Variants in PIH1D2 observed in about 807,000 individuals in gnomAD.
PIH1D2 encodes the protein PIH1 domain-containing protein 2.
Under a neutral mutation model 31.2 loss-of-function variants are expected in PIH1D2, and 25 were observed. That is an observed-to-expected ratio of 0.80 (90% CI 0.58 to 1.12). The LOEUF is 1.12. Ranked by LOEUF, PIH1D2 falls within the 50% of genes most tolerant of loss-of-function variation. The probability of loss-of-function intolerance (pLI) is 0.00; values close to 1 mark genes in which losing one functional copy is unlikely to be tolerated. For missense variants in PIH1D2, 310 were observed against 356.6 expected (o/e 0.87, Z 1.05); for synonymous variants, 116 against 119.9 (o/e 0.97, Z 0.21).
downstream of PIH1D2, among the ~76,000 whole-genome samples, chr11:112,059,594 T>C (rs190811521): frequency 4.6e-5 from 7 of 152,316 alleles, no homozygotes; most frequent in East Asian, 1.4e-3. Context: ...AGTTTCGCCA[T>C]GTTGGCCAGG....
chr11:112,070,742 C>A (rs1555184480), intron 4 of PIH1D2, 41 bp from the exon 5 acceptor site: 1 of 1,581,010 alleles, frequency 6.3e-7, no homozygotes, highest in South Asian at 1.1e-5. Flanking sequence ...AAAAATAAAT[C>A]TACAACATAA....
chr11:112,064,423 T>C (rs1864828605), downstream of PIH1D2: 2 of 523,012 alleles, frequency 3.8e-6, no homozygotes, highest in Non-Finnish European at 6.6e-6. Flanking sequence ...CTGTTGGTAA[T>C]TATTTTCACA....
the PIH1D2 span, among the ~76,000 whole-genome samples, chr11:112,055,480 G>A: frequency 6.6e-6 from 1 of 152,026 alleles, no homozygotes; most frequent in Non-Finnish European, 1.5e-5. Flanking sequence ...TCCTGACATT[G>A]TGATCTGCCT....
intron 2 of PIH1D2, among the ~76,000 whole-genome samples, 176 bp from the exon 3 acceptor site, chr11:112,071,934 A>G (rs1214061082): frequency 1.3e-5 from 2 of 152,086 alleles, no homozygotes; most frequent in Admixed American, 6.5e-5. Context: ...TTCTACTAAA[A>G]ATACAAAAAT....
intron 5 of PIH1D2, 48 bp from the exon 6 acceptor site, chr11:112,068,053 TACTA>T: frequency 7.7e-7 from 1 of 1,294,596 alleles, no homozygotes; most frequent in Middle Eastern, 2.5e-4. Flanking sequence ...AAATTTGGGA[TACTA>T]ACTTATTGTT....
Position 112,070,606 on chromosome 11 carries a change from C to G in PIH1D2, c.643G>C (p.Val215Leu). The G allele has an allele frequency of 6.2e-7, 1 of 1,614,160 alleles. No homozygotes were observed. Among genetic ancestry groups the G allele is most frequent in the South Asian group, 1.1e-5 (1 of 91,084 alleles). ...CTGGAAATCTCTTCTATCAGACACA[C>G]TGCTTTGCCTGAAACTTGGTCTTTT... ...LPKDQVSGKA[V>L]CLIEEISSTE... Residue 215 changes from valine (V) to leucine (L), a missense_variant, in exon 5 of 6, where the codon GTG (valine) becomes CTG (leucine). Coordinates refer to ENST00000280350, the MANE Select transcript of PIH1D2 (RefSeq NM_138789.4).
At chr11:112,065,995 CA>C (rs880003662), downstream of PIH1D2, among the ~76,000 whole-genome samples, 155 of 135,904 alleles carry the variant, frequency 1.1e-3, no homozygotes, top group African/African-American at 1.2e-3. Context: ...GAGACTCTGT[CA>C]AAAAAAAAAA....
chr11:112,061,125 G>T, downstream of PIH1D2: 1 of 1,614,018 alleles, frequency 6.2e-7, no homozygotes, highest in Non-Finnish European at 8.5e-7. Flanking sequence ...ATGTATTTTG[G>T]CAATTGGTGC....
At chr11:112,072,887 AAC>A (rs1400207217) in intron 2 of PIH1D2, 109 bp downstream of exon 2, 830 of 1,106,288 alleles carry the variant, frequency 7.5e-4, no homozygotes, top group African/African-American at 6.4e-3. Context: ...AACAAAACAA[AAC>A]AAAAAAAAAA....
chr11:112,061,267 C>T (rs1864602507), downstream of PIH1D2: 2 of 1,381,704 alleles, frequency 1.4e-6, no homozygotes, highest in African/African-American at 1.4e-5. Context: ...CTCCAGGAAC[C>T]CCCTCAAATA....
Position 112,068,988 on chromosome 11 carries a change from T to TTTTG in PIH1D2, c.814-984_814-983insCAAA, listed in dbSNP as rs1390371968. ...AAACCTCTGAATTTTTTTTGTTTTT[T>TTTTG]TTTTTTTTTGTTTTTTTTTTTTTGA... On this transcript the variant is annotated intron_variant, in intron 5 of 5. Transcript: ENST00000280350. 5.5e-3 allele frequency among the ~76,000 whole-genome samples: 767 copies of TTTTG among 140,070 alleles called. 3 individuals carry two copies. The highest frequency in any genetic ancestry group is 0.036 in the Middle Eastern group (10 of 278). 91.9% of individuals were successfully genotyped at this position (140,070 alleles called of 152,430 possible).
intron 2 of PIH1D2, 99 bp downstream of exon 2, chr11:112,072,899 A>AC (rs1865185984): frequency 2.5e-6 from 3 of 1,195,956 alleles, no homozygotes; most frequent in Non-Finnish European, 2.2e-6. Context: ...CAAAAAAAAA[A>AC]CAAAAAAAAT....
chr11:112,061,333 A>T (rs1864610105), downstream of PIH1D2: 4 of 719,428 alleles, frequency 5.6e-6, no homozygotes, highest in Admixed American at 2.2e-5. Flanking sequence ...TTTGCATATA[A>T]CCTACACACA....
downstream of PIH1D2, chr11:112,064,260 T>C: frequency 1.3e-6 from 2 of 1,508,270 alleles, no homozygotes; most frequent in Non-Finnish European, 8.9e-7. Context: ...CTAATAAACA[T>C]TGTTGAGTTA....
At chr11:112,064,038 G>T, downstream of PIH1D2, 1 of 762,250 alleles carries the variant, frequency 1.3e-6, no homozygotes, top group Non-Finnish European at 2.0e-6. Context: ...TTACCTTGCT[G>T]TATTATTATG....
intron 5 of PIH1D2, 128 bp downstream of exon 5, chr11:112,070,308 G>T (rs1408289300): frequency 7.2e-6 from 8 of 1,118,224 alleles, no homozygotes; most frequent in Non-Finnish European, 8.8e-6. Flanking sequence ...GAAGGGAATT[G>T]CTCCTTCACC....
At chr11:112,060,194 C>G (rs1198961537), downstream of PIH1D2, 17 of 776,438 alleles carry the variant, frequency 2.2e-5, no homozygotes, top group Non-Finnish European at 3.1e-5. Flanking sequence ...GACGGAGTCT[C>G]TCTGTCACCC....
chr11:112,058,051 A>G, the PIH1D2 span, among the ~76,000 whole-genome samples: 1 of 152,190 alleles, frequency 6.6e-6, no homozygotes, highest in African/African-American at 2.4e-5. Context: ...GTGGTCTGGA[A>G]CTGAACCTGG....
downstream of PIH1D2, among the ~76,000 whole-genome samples, chr11:112,067,172 A>G (rs1364300912): frequency 6.6e-6 from 1 of 152,212 alleles, no homozygotes; most frequent in Non-Finnish European, 1.5e-5. Flanking sequence ...AACTTCTTGC[A>G]CAGTCTGGAA....
Sources: allele counts gnomAD v4.1 joint callset (sites outside exome capture counted in the v4.1 genomes callset), GRCh38; gene constraint gnomAD v4.1.1; transcripts MANE v1.5; gene names NCBI Gene and HGNC (gene_info 2026-07-23, HGNC 2026-07-21).